PAK1: variants seen among roughly 807,000 people sequenced by gnomAD.
PAK1 encodes p21 (RAC1) activated kinase 1, also known as serine/threonine-protein kinase PAK 1.
Under a neutral mutation model 67.4 loss-of-function variants are expected in PAK1, and 29 were observed. That is an observed-to-expected ratio of 0.43 (90% CI 0.32 to 0.59). The LOEUF (loss-of-function observed/expected upper bound fraction) is 0.59, where lower values mean the gene tolerates loss of function less well. Among genes scored for constraint, PAK1 ranks in the 20% least tolerant of loss-of-function variants. The probability of loss-of-function intolerance (pLI) is 0.07; values close to 1 mark genes in which losing one functional copy is unlikely to be tolerated. For synonymous variants in PAK1, 223 were observed against 237.4 expected (o/e 0.94, Z 0.56); for missense variants, 337 against 670.7 (o/e 0.50, Z 5.50).
the PAK1 span, among the ~76,000 whole-genome samples, chr11:77,486,537 G>A: frequency 6.6e-6 from 1 of 152,132 alleles, no homozygotes; most frequent in Non-Finnish European, 1.5e-5. Context: ...CACATAAAAG[G>A]GTAGAAAAAA....
chr11:77,433,083 T>C (rs1002847083), intron 1 of PAK1, among the ~76,000 whole-genome samples: 1 of 152,116 alleles, frequency 6.6e-6, no homozygotes, highest in Non-Finnish European at 1.5e-5. Context: ...GCCAAGACAA[T>C]GCAACGAAGA....
At position 77,452,806 on chromosome 11, in the gene PAK1, A is replaced by G. The variant is rs538337051; in HGVS notation, c.-22+20746T>C. Among the ~76,000 whole-genome samples, 11 of 152,328 alleles carry G rather than the reference A, an allele frequency of 7.2e-5. No individual in the cohort carries two copies. The South Asian group carries it at 2.1e-3, about 29-fold the overall frequency. ...ATCTAATAACAAGCCAAGTAGGAGT[A>G]AAGAGTGTGTTCATGGTAGGGCCCT... On this transcript the variant is annotated intron_variant, in intron 1 of 14. Transcript: ENST00000356341.
At chr11:77,392,284 A>AT (rs755226854) in intron 2 of PAK1, 47 bp downstream of exon 2, 4 of 1,326,312 alleles carry the variant, frequency 3.0e-6, no homozygotes, top group African/African-American at 1.5e-5. Context: ...ACCCAAAATA[A>AT]TTTTTTTAAA....
At chr11:77,490,422 T>C in the PAK1 span, among the ~76,000 whole-genome samples, 1 of 134,890 alleles carries the variant, frequency 7.4e-6, no homozygotes, top group Admixed American at 7.2e-5. Context: ...GAGGAGCCCC[T>C]CTGCCCGGCC....
chr11:77,460,179 A>C (rs147579325), intron 1 of PAK1, among the ~76,000 whole-genome samples: 2 of 151,150 alleles, frequency 1.3e-5, no homozygotes, highest in Admixed American at 1.3e-4. Flanking sequence ...AAAAGGGATG[A>C]AAAGGAAAAA....
chr11:77,476,946 C>A (rs541838440), upstream of PAK1: 1 of 152,204 alleles, frequency 6.6e-6, no homozygotes, highest in African/African-American at 2.4e-5. Context: ...TGCGCCATTG[C>A]ACTTAAGCCT....
chr11:77,490,482 A>G, the PAK1 span, among the ~76,000 whole-genome samples: 1 of 141,268 alleles, frequency 7.1e-6, no homozygotes, highest in African/African-American at 2.7e-5. Context: ...CCGCCCGGCC[A>G]GCCGCCCCGT....
At position 77,325,461 on chromosome 11, in the gene PAK1, G is replaced by A. The variant is rs1939576944; in HGVS notation, c.1552-2101C>T. 2.4e-5 allele frequency: 33 copies of A among 1,355,704 alleles called. No individual in the cohort carries two copies. In the South Asian group the frequency reaches 4.3e-4, roughly 18 times the overall value. The allele number at this position is 1,355,704 out of a possible 1,614,324, so 84.0% of individuals were successfully genotyped here. On this transcript the variant is annotated intron_variant, in intron 14 of 14. Coordinates refer to ENST00000356341, the MANE Select transcript of PAK1 (RefSeq NM_002576.5). ...AGTGCTTAGTGCCTAAATATATAAA[G>A]TGTTTAGTGCCTAAAATATGGTAAA...
chr11:77,418,618 T>C (rs1374586728), intron 1 of PAK1, among the ~76,000 whole-genome samples: 1 of 152,232 alleles, frequency 6.6e-6, no homozygotes, highest in Admixed American at 6.5e-5. Context: ...AGAACTTCAT[T>C]GTCTTCCTCT....
chr11:77,331,371 A>G (rs1326472438), intron 14 of PAK1, among the ~76,000 whole-genome samples: 3 of 152,248 alleles, frequency 2.0e-5, no homozygotes, highest in Non-Finnish European at 4.4e-5. Flanking sequence ...AACAGCAAAG[A>G]CTTGGAACCA....
At chr11:77,337,993 TTTTG>T (rs1234044226) in intron 11 of PAK1, among the ~76,000 whole-genome samples, 2 of 152,204 alleles carry the variant, frequency 1.3e-5, no homozygotes, top group Non-Finnish European at 1.5e-5. Context: ...AAGAGATGAT[TTTTG>T]TTTAAGTTAT....
chr11:77,342,870 G>A (rs1591777841), intron 10 of PAK1, among the ~76,000 whole-genome samples: 1 of 129,120 alleles, frequency 7.7e-6, no homozygotes, highest in East Asian at 2.4e-4. Context: ...TCTGAACCCT[G>A]GGCAAGAAGC....
rs534500242 is a variant in PAK1 at position 77,331,825 on chromosome 11, A to G, written c.1551+905T>C. ...AAAAAAAAAAGAATTAAAAAAAAAG[A>G]AAGAAAAATAAAACATAAATAAAAT... On this transcript the variant is annotated intron_variant, in intron 14 of 14. Coordinates refer to ENST00000356341, the MANE Select transcript of PAK1 (RefSeq NM_002576.5). Among the ~76,000 whole-genome samples the G allele has an allele frequency of 6.6e-5, 10 of 151,250 alleles. No individual in the cohort carries two copies. In the South Asian group the frequency reaches 1.0e-3, roughly 16 times the overall value.
At chr11:77,493,275 GTT>G in the PAK1 span, among the ~76,000 whole-genome samples, 3 of 128,024 alleles carry the variant, frequency 2.3e-5, no homozygotes, top group Admixed American at 8.2e-5. Context: ...TTTTTTTGTT[GTT>G]TTTTTTTTTT....
At chr11:77,409,149 G>A (rs1219943993) in intron 1 of PAK1, among the ~76,000 whole-genome samples, 5 of 152,042 alleles carry the variant, frequency 3.3e-5, no homozygotes, top group African/African-American at 9.7e-5. Flanking sequence ...ACATGTGCCT[G>A]CAGTCCCAAC....
upstream of PAK1, among the ~76,000 whole-genome samples, chr11:77,477,570 A>AAAAAAAAAAAG (rs1218043444): frequency 2.1e-4 from 32 of 150,184 alleles, 2 homozygotes; most frequent in East Asian, 5.2e-3. Flanking sequence ...ATCTCTACAA[A>AAAAAAAAAAAG]AAAAAAAAAA....
chr11:77,386,766 T>TAGTA (rs1950497796), intron 2 of PAK1, among the ~76,000 whole-genome samples: 1 of 152,104 alleles, frequency 6.6e-6, no homozygotes, highest in African/African-American at 2.4e-5. Flanking sequence ...CAGGTATCAG[T>TAGTA]ATTAATTAAT....
Position 77,427,368 on chromosome 11 carries a change from G to A in PAK1, c.-21-34827C>T, listed in dbSNP as rs185232830. Among the ~76,000 whole-genome samples the A allele has an allele frequency of 1.4e-3, 215 of 152,238 alleles. 1 individual carries two copies. The highest frequency in any genetic ancestry group is 4.9e-3 in the African/African-American group (202 of 41,546). ...AGCTAGGAATTATTTTATTTAGGATGACAGTGTAGATTTTTTTTTAAAGAC... is the reference window on the plus strand; with the variant it reads ...AGCTAGGAATTATTTTATTTAGGATAACAGTGTAGATTTTTTTTTAAAGAC... On this transcript the variant is annotated intron_variant, in intron 1 of 14. Transcript: ENST00000356341.
the PAK1 span, among the ~76,000 whole-genome samples, chr11:77,525,069 G>A: frequency 6.6e-6 from 1 of 151,958 alleles, no homozygotes; most frequent in Admixed American, 6.6e-5. Context: ...AATAGGCCAG[G>A]CAATGTAGCT....
Sources: allele counts gnomAD v4.1 joint callset (sites outside exome capture counted in the v4.1 genomes callset), GRCh38; gene constraint gnomAD v4.1.1; transcripts MANE v1.5; gene names NCBI Gene and HGNC (gene_info 2026-07-23, HGNC 2026-07-21).